The following DUSP19 variants were observed in gnomAD, a reference collection of about 807,000 sequenced individuals.
The protein encoded by DUSP19 is dual specificity phosphatase 19, also known as dual specificity protein phosphatase 19.
In DUSP19, 14 loss-of-function variants were observed where a neutral mutation model predicts 16.6. The ratio of observed to expected loss-of-function variants is 0.84; its 90% CI spans 0.56 to 1.32. The LOEUF (loss-of-function observed/expected upper bound fraction) is 1.32. Among genes scored for constraint, DUSP19 ranks in the 40% most tolerant of loss-of-function variants. DUSP19 has a pLI of 0.00. For synonymous variants in DUSP19, 81 were observed against 90.5 expected (o/e 0.90, Z 0.59); for missense variants, 258 against 255.9 (o/e 1.01, Z -0.06).
intron 2 of DUSP19, 132 bp downstream of exon 2, chr2:183,083,686 A>ATT: frequency 1.6e-6 from 1 of 637,812 alleles, no homozygotes; most frequent in Non-Finnish European, 2.5e-6. Flanking sequence ...TCATTTCAAT[A>ATT]GAGTTGAAAA....
Position 183,098,443 on chromosome 2 carries a change from A to T in DUSP19, c.*2785A>T, listed in dbSNP as rs569087103. ...TATGTTTATTGCACTTCCCATGGGG[A>T]TAAATCACTCTGTCATTCCTAGTTA... is the stretch of plus-strand genomic sequence containing the variant. On this transcript the variant is annotated 3_prime_UTR_variant, in exon 4 of 4. Coordinates refer to ENST00000354221, the MANE Select transcript of DUSP19 (RefSeq NM_080876.4). 1.5e-3 allele frequency: 228 copies of T among 152,354 alleles called. No individual in the cohort carries two copies. Among genetic ancestry groups the T allele is most frequent in the African/African-American group, 5.3e-3 (221 of 41,580 alleles). The allele number at this position is 152,354 out of a possible 1,614,324, so 9.4% of individuals were successfully genotyped here.
intron 3 of DUSP19, 41 bp downstream of exon 3, chr2:183,087,233 T>A: frequency 6.3e-7 from 1 of 1,575,722 alleles, no homozygotes; most frequent in Non-Finnish European, 8.6e-7. Flanking sequence ...GAAGCAGAAA[T>A]TTGAAAGTGT....
chr2:183,084,363 G>T (rs1699633381), intron 2 of DUSP19, among the ~76,000 whole-genome samples: 1 of 151,638 alleles, frequency 6.6e-6, no homozygotes, highest in Admixed American at 6.6e-5. Flanking sequence ...GGAGTTCGAG[G>T]TTACAGTGTG....
chr2:183,091,949 A>G (rs1699737010), intron 3 of DUSP19, among the ~76,000 whole-genome samples: 1 of 152,102 alleles, frequency 6.6e-6, no homozygotes, highest in Non-Finnish European at 1.5e-5. Flanking sequence ...TGTCATATTT[A>G]CATTCCCCTC....
At chr2:183,090,130 T>A (rs1402421988) in intron 3 of DUSP19, among the ~76,000 whole-genome samples, 5 of 152,242 alleles carry the variant, frequency 3.3e-5, no homozygotes, top group South Asian at 4.1e-4. Context: ...TCATTTTTTT[T>A]AAGAAAAGAT....
rs562204791 is a variant in DUSP19 at position 183,086,601 on chromosome 2, G to A, written c.274-439G>A. On this transcript the variant is annotated intron_variant, in intron 2 of 3. Transcript: ENST00000354221. ...GTGGGAGCATCACTTGAGGCCAGGA[G>A]TTCGAGACCAGCCTGGGCAAAAAAA... is the stretch of plus-strand genomic sequence containing the variant. Among the ~76,000 whole-genome samples, 3 of 146,242 alleles carry A rather than the reference G, an allele frequency of 2.1e-5. No homozygotes were observed. In the East Asian group the frequency reaches 6.1e-4, roughly 30 times the overall value.
intron 1 of DUSP19, among the ~76,000 whole-genome samples, chr2:183,082,325 T>C (rs571570086): frequency 3.9e-5 from 6 of 152,310 alleles, no homozygotes; most frequent in Admixed American, 1.3e-4. Flanking sequence ...CTCCTTTCCA[T>C]TTTTTAAGCA....
Position 183,078,781 on chromosome 2 carries a change from C to A in DUSP19, c.-153C>A. 1 of 656,596 alleles carries A rather than the reference C, an allele frequency of 1.5e-6. No individual in the cohort carries two copies. The highest frequency in any genetic ancestry group is 2.6e-6 in the Non-Finnish European group (1 of 385,530). The allele number at this position is 656,596 out of a possible 1,614,324, so 40.7% of individuals were successfully genotyped here. On this transcript the variant is annotated 5_prime_UTR_variant, in exon 1 of 4. Transcript: ENST00000354221. The stretch of plus-strand genomic sequence containing the variant: ...CGCTGGGATAAACGGAGCTGGACGA[C>A]TCAGTCTCTTGGTCTGTGGCTGCTG...
At chr2:183,089,604 A>G (rs1004024482) in intron 3 of DUSP19, among the ~76,000 whole-genome samples, 1 of 152,232 alleles carries the variant, frequency 6.6e-6, no homozygotes, top group African/African-American at 2.4e-5. Context: ...TTTGACAGGC[A>G]AAAGTGAAAG....
intron 3 of DUSP19, among the ~76,000 whole-genome samples, chr2:183,088,622 C>T (rs1246110592): frequency 6.6e-6 from 1 of 151,798 alleles, no homozygotes. Context: ...AGGGTTTCAC[C>T]GTGTTGCCCA....
chr2:183,091,839 GGA>G (rs1222953168), intron 3 of DUSP19, among the ~76,000 whole-genome samples: 1 of 152,112 alleles, frequency 6.6e-6, no homozygotes, highest in African/African-American at 2.4e-5. Flanking sequence ...CTGGGAAATC[GGA>G]GTAAAACAGC....
intron 2 of DUSP19, among the ~76,000 whole-genome samples, chr2:183,085,601 G>C (rs1052104891): frequency 2.0e-5 from 3 of 151,892 alleles, no homozygotes; most frequent in Non-Finnish European, 2.9e-5. Flanking sequence ...AAAAAAAAGA[G>C]AGAGAGGAGC....
intron 3 of DUSP19, among the ~76,000 whole-genome samples, chr2:183,092,950 C>T (rs956300236): frequency 6.6e-6 from 1 of 152,114 alleles, no homozygotes; most frequent in South Asian, 2.1e-4. Context: ...GATCCACCCG[C>T]CTCAGCCTCC....
chr2:183,079,274 A>T, intron 1 of DUSP19, 115 bp downstream of exon 1: 1 of 1,060,962 alleles, frequency 9.4e-7, no homozygotes, highest in Non-Finnish European at 1.3e-6. Flanking sequence ...GAAAAGCTGA[A>T]CTGTTTCCTT....
rs999675043 is a variant in DUSP19 at position 183,096,578 on chromosome 2, T to TC, written c.*920_*921insC. The TC allele has an allele frequency of 6.0e-5, 9 of 151,154 alleles. No individual in the cohort carries two copies. The highest frequency in any genetic ancestry group is 2.1e-4 in the South Asian group (1 of 4,776). The allele number at this position is 151,154 out of a possible 1,614,324, so 9.4% of individuals were successfully genotyped here. A position where few individuals can be genotyped will look rare whatever the true frequency, so the allele number is the denominator to read the frequency against. ...ATTCTGTTATCGGCATTTCTTTCTT[T>TC]TTTTTTTTAATGTATAGGTGTTCTG... is the stretch of plus-strand genomic sequence containing the variant. On this transcript the variant is annotated 3_prime_UTR_variant, in exon 4 of 4. Transcript: ENST00000354221.
Position 183,095,749 on chromosome 2 carries a change from C to CTCCCT in DUSP19, c.*93_*97dup. On this transcript the variant is annotated 3_prime_UTR_variant, in exon 4 of 4. Coordinates refer to ENST00000354221, the MANE Select transcript of DUSP19 (RefSeq NM_080876.4). ...TTTTTTGGAGAGTAGACTAGCAAAACTCCCTTTTTTCTCTTGCCTTTTTTA... is the reference window on the plus strand; with the variant it reads ...TTTTTTGGAGAGTAGACTAGCAAAACTCCCTTCCCTTTTTTCTCTTGCCTTTTTTA... The CTCCCT allele has an allele frequency of 9.0e-6, 9 of 997,464 alleles. No individual in the cohort carries two copies. The South Asian group carries it at 1.7e-4, about 19-fold the overall frequency. The allele number at this position is 997,464 out of a possible 1,614,324, so 61.8% of individuals were successfully genotyped here.
intron 3 of DUSP19, among the ~76,000 whole-genome samples, chr2:183,094,928 C>T (rs555830929): frequency 3.9e-4 from 60 of 152,256 alleles, no homozygotes; most frequent in African/African-American, 1.4e-3. Context: ...TATGTTTCCA[C>T]ATATATTTCC....
rs1699648001 is a variant in DUSP19 at position 183,085,515 on chromosome 2, A to T, written c.274-1525A>T. On this transcript the variant is annotated intron_variant, in intron 2 of 3. Coordinates refer to ENST00000354221, the MANE Select transcript of DUSP19 (RefSeq NM_080876.4). Reference sequence around the variant, plus strand: ...AGAGGTTGTTAGTGCGTTTGGTGGAAACAGTTTCATTTGAATTGGAGGCCA... The same window carrying T: ...AGAGGTTGTTAGTGCGTTTGGTGGATACAGTTTCATTTGAATTGGAGGCCA... Among the ~76,000 whole-genome samples, 3 of 152,258 alleles carry T rather than the reference A, an allele frequency of 2.0e-5. 1 individual carries two copies. The South Asian group carries it at 6.2e-4, about 32-fold the overall frequency.
intron 3 of DUSP19, among the ~76,000 whole-genome samples, chr2:183,088,139 G>A (rs953619166): frequency 1.3e-5 from 2 of 152,078 alleles, no homozygotes; most frequent in East Asian, 1.9e-4. Context: ...CTATGTTTAT[G>A]TATGTTTAGA....
Sources: gnomAD v4.1 joint callset for allele counts (sites outside exome capture counted in the v4.1 genomes callset) on GRCh38, gnomAD v4.1.1 for gene constraint, MANE v1.5 for transcripts, NCBI Gene and HGNC (gene_info 2026-07-23, HGNC 2026-07-21) for gene names.